GRID1: variants seen among roughly 807,000 people sequenced by gnomAD.
The protein encoded by GRID1 is glutamate receptor ionotropic, delta-1.
A neutral mutation model predicts 98.0 loss-of-function variants in GRID1; 28 were observed. That is an observed-to-expected ratio of 0.29 (90% CI 0.21 to 0.39). The LOEUF (loss-of-function observed/expected upper bound fraction) is 0.39, where lower values mean the gene tolerates loss of function less well. Ranked by LOEUF, GRID1 falls within the 10% of genes least tolerant of loss-of-function variation. The pLI, the probability that GRID1 is intolerant of heterozygous loss-of-function variation, is 1.00. For missense variants in GRID1, 1,111 were observed against 1,340.5 expected (o/e 0.83, Z 2.67); for synonymous variants, 553 against 538.5 (o/e 1.03, Z -0.37).
chr10:86,020,380 G>T (rs1185303847), intron 4 of GRID1, among the ~76,000 whole-genome samples: 2 of 152,218 alleles, frequency 1.3e-5, no homozygotes, highest in Non-Finnish European at 2.9e-5. Context: ...AGCCATCCAT[G>T]CTGGATGTGC....
At chr10:86,130,540 T>A (rs1294852606) in intron 4 of GRID1, among the ~76,000 whole-genome samples, 2 of 152,176 alleles carry the variant, frequency 1.3e-5, no homozygotes, top group Non-Finnish European at 2.9e-5. Flanking sequence ...AAGGAGCATC[T>A]GAATGTCGAG....
intron 12 of GRID1, among the ~76,000 whole-genome samples, chr10:85,681,795 T>G (rs770027448): frequency 6.6e-6 from 1 of 152,080 alleles, no homozygotes; most frequent in Non-Finnish European, 1.5e-5. Flanking sequence ...ATGGAGGGTC[T>G]TTTGCAAGGA....
intron 6 of GRID1, among the ~76,000 whole-genome samples, chr10:85,867,604 C>G (rs571766684): frequency 2.0e-5 from 3 of 152,390 alleles, no homozygotes; most frequent in Admixed American, 2.0e-4. Flanking sequence ...CTTCCAGACT[C>G]CACATACAGG....
At chr10:85,682,384 G>T (rs1841220314) in intron 12 of GRID1, among the ~76,000 whole-genome samples, 1 of 152,184 alleles carries the variant, frequency 6.6e-6, no homozygotes, top group African/African-American at 2.4e-5. Flanking sequence ...ATGATTAGTA[G>T]ACCATAGACC....
intron 13 of GRID1, among the ~76,000 whole-genome samples, chr10:85,628,416 G>A (rs1004776171): frequency 6.6e-6 from 1 of 152,050 alleles, no homozygotes; most frequent in African/African-American, 2.4e-5. Flanking sequence ...GAGTGTATGA[G>A]TATGTGTATT....
At chr10:86,022,937 A>T (rs572142128) in intron 4 of GRID1, among the ~76,000 whole-genome samples, 2 of 151,584 alleles carry the variant, frequency 1.3e-5, no homozygotes, top group South Asian at 2.1e-4. Flanking sequence ...AAAAAAGATT[A>T]AAAAAATTCC....
rs887168434 is a variant in GRID1, at chr10:85,879,308, C to T, written c.781-10128G>A. ...TACAGAACTCTCCACCCCAAATCAA[C>T]AGAATATACATTCTTTTCAGCACCA... is the stretch of plus-strand genomic sequence containing the variant. On this transcript the variant is annotated intron_variant, in intron 5 of 15. Transcript: ENST00000327946. Among the ~76,000 whole-genome samples, 8 of 152,316 alleles carry T rather than the reference C, an allele frequency of 5.3e-5. No individual in the cohort carries two copies. The East Asian group carries it at 1.4e-3, about 26-fold the overall frequency.
At chr10:86,143,334 G>A (rs931537179) in intron 3 of GRID1, among the ~76,000 whole-genome samples, 4 of 152,102 alleles carry the variant, frequency 2.6e-5, no homozygotes, top group African/African-American at 4.8e-5. Flanking sequence ...CACTTCTCCC[G>A]CAAAGTCCTT....
At chr10:85,797,301 G>A (rs1297934489) in intron 8 of GRID1, among the ~76,000 whole-genome samples, 1 of 151,978 alleles carries the variant, frequency 6.6e-6, no homozygotes, top group Admixed American at 6.5e-5. Context: ...TGGGTATTGA[G>A]CTCACTACTC....
chr10:86,054,361 G>A (rs1313587744), intron 4 of GRID1, among the ~76,000 whole-genome samples: 1 of 152,194 alleles, frequency 6.6e-6, no homozygotes, highest in Admixed American at 6.5e-5. Flanking sequence ...AGCTGATGCG[G>A]TTGGTCTTTG....
At chr10:86,186,604 T>C (rs1209068097) in intron 3 of GRID1, among the ~76,000 whole-genome samples, 2 of 152,216 alleles carry the variant, frequency 1.3e-5, no homozygotes, top group Non-Finnish European at 2.9e-5. Context: ...TCAAGTTCAA[T>C]AGCCTGCCTG....
At chr10:86,346,448 A>AC (rs1216372703) in intron 2 of GRID1, among the ~76,000 whole-genome samples, 14 of 152,150 alleles carry the variant, frequency 9.2e-5, no homozygotes, top group Non-Finnish European at 1.5e-4. Context: ...CCCCAGGTCC[A>AC]CCCCCTCCAG....
chr10:85,686,682 A>G (rs907975198), intron 12 of GRID1, among the ~76,000 whole-genome samples: 6 of 152,086 alleles, frequency 3.9e-5, no homozygotes, highest in Admixed American at 3.9e-4. Context: ...CTGATCTAAA[A>G]TATCAAAGAT....
chr10:86,208,478 G>C (rs1200941226), intron 2 of GRID1, among the ~76,000 whole-genome samples: 1 of 151,996 alleles, frequency 6.6e-6, no homozygotes, highest in Non-Finnish European at 1.5e-5. Flanking sequence ...TCCCATACCT[G>C]CAGCCTCATG....
chr10:86,235,224 C>A (rs913512800), intron 2 of GRID1, among the ~76,000 whole-genome samples: 3 of 152,160 alleles, frequency 2.0e-5, no homozygotes, highest in African/African-American at 4.8e-5. Flanking sequence ...ACCTCCCCTG[C>A]GGCTCCCACA....
At chr10:86,191,194 T>C (rs1381390044) in intron 3 of GRID1, among the ~76,000 whole-genome samples, 3 of 152,120 alleles carry the variant, frequency 2.0e-5, no homozygotes, top group East Asian at 3.9e-4. Context: ...TCAGTAATTA[T>C]GGCCCAGTAA....
chr10:86,160,836 G>A (rs1417615680), intron 3 of GRID1, among the ~76,000 whole-genome samples: 2 of 152,230 alleles, frequency 1.3e-5, no homozygotes, highest in African/African-American at 4.8e-5. Context: ...GTAAAGCAGG[G>A]AATGGAGTCT....
At chr10:85,808,467 G>T (rs1590241449) in intron 8 of GRID1, among the ~76,000 whole-genome samples, 1 of 152,154 alleles carries the variant, frequency 6.6e-6, no homozygotes, top group Non-Finnish European at 1.5e-5. Flanking sequence ...CTAAGATGAT[G>T]TCACTGACCA....
At chr10:86,333,028 T>C (rs908683543) in intron 2 of GRID1, among the ~76,000 whole-genome samples, 1 of 152,150 alleles carries the variant, frequency 6.6e-6, no homozygotes, top group African/African-American at 2.4e-5. Flanking sequence ...TTCCAGCTCC[T>C]CTCTGCTATC....
Sources: allele counts gnomAD v4.1 joint callset (sites outside exome capture counted in the v4.1 genomes callset), GRCh38; gene constraint gnomAD v4.1.1; transcripts MANE v1.5; gene names NCBI Gene and HGNC (gene_info 2026-07-23, HGNC 2026-07-21).